CCDC70: variants seen among roughly 807,000 people sequenced by gnomAD.
CCDC70 encodes coiled-coil domain-containing protein 70.
Under a neutral mutation model 9.1 loss-of-function variants are expected in CCDC70, and 4 were observed. That is an observed-to-expected ratio of 0.44 (90% confidence interval 0.22 to 1.00). The LOEUF is 1.00. CCDC70 is among the 50% of genes least tolerant of loss of function. CCDC70 has a pLI of 0.25. For missense variants in CCDC70, 308 were observed against 271.3 expected, an observed-to-expected ratio of 1.14 and a Z score of -0.95; for synonymous variants, 119 against 94.0, an observed-to-expected ratio of 1.27 and a Z score of -1.54.
chr13:51,864,228 A>G (rs771673026), intron 1 of CCDC70, among the ~76,000 whole-genome samples: 9 of 151,856 alleles, frequency 5.9e-5, no homozygotes, highest in Non-Finnish European at 1.3e-4. Flanking sequence ...CACTTAACAC[A>G]TTTTTATAAC....
At chr13:51,865,303 TAG>T (rs879129533) in intron 1 of CCDC70, 27 bp from the exon 2 acceptor site, 2 of 1,247,100 alleles carry the variant, frequency 1.6e-6, no homozygotes, top group South Asian at 2.9e-5. Flanking sequence ...GTGATACTCA[TAG>T]ATCTGTCTTT....
In CCDC70 at chr13:51,866,179, T is replaced by A; in HGVS notation, c.*99T>A. On this transcript the variant is annotated 3_prime_UTR_variant, in exon 2 of 2. Transcript: ENST00000242819. The stretch of plus-strand genomic sequence containing the variant: ...GCTGGAGAAAATACACACTCATTGG[T>A]CTCCTTGCTTTGAAAGATCCAATAA... 2.0e-6 allele frequency: 2 copies of A among 1,007,448 alleles called. No homozygotes were observed. Among genetic ancestry groups the A allele is most frequent in the Non-Finnish European group, 2.8e-6 (2 of 707,884 alleles). 62.4% of individuals were successfully genotyped at this position (1,007,448 alleles called of 1,614,324 possible). A position where few individuals can be genotyped will look rare whatever the true frequency, so the allele number is the denominator to read the frequency against.
In CCDC70 at chr13:51,865,232, A is replaced by G. The variant is rs971155875; in HGVS notation, c.-80-100A>G. ...CTCACAAACACCACCATGTGGACAAAGAGCAGTGATTACATTTTCTCAAAT... is the reference window on the plus strand; with the variant it reads ...CTCACAAACACCACCATGTGGACAAGGAGCAGTGATTACATTTTCTCAAAT... On this transcript the variant is annotated intron_variant, in intron 1 of 1. Coordinates refer to ENST00000242819, the MANE Select transcript of CCDC70 (RefSeq NM_031290.4). 8.2e-6 allele frequency: 5 copies of G among 606,308 alleles called. No individual in the cohort carries two copies. In the African/African-American group the frequency reaches 9.2e-5, roughly 11 times the overall value. 37.6% of individuals were successfully genotyped at this position (606,308 alleles called of 1,614,324 possible).
intron 1 of CCDC70, among the ~76,000 whole-genome samples, chr13:51,863,672 GACAC>G (rs35041555): frequency 0.28 from 37,827 of 134,174 alleles, 5,219 homozygotes; most frequent in East Asian, 0.47. Flanking sequence ...CGCGCACACA[GACAC>G]ACACACACAC....
chr13:51,865,974 G>C lies in CCDC70; in HGVS notation c.563G>C (p.Trp188Ser). 1 of 1,614,042 alleles carries C rather than the reference G, an allele frequency of 6.2e-7. No individual in the cohort carries two copies. The highest frequency in any genetic ancestry group is 8.5e-7 in the Non-Finnish European group (1 of 1,180,002). ...NALWEEERAF[W>S]MENNGHIAGE... is the part of the protein sequence containing the mutation. ...CTCTGGGAGGAAGAGAGGGCCTTCT[G>C]GATGGAGAACAATGGCCACATTGCC... Residue 188 changes from tryptophan to serine, a missense_variant, in exon 2 of 2, where the codon TGG becomes TCG. Coordinates refer to ENST00000242819, the MANE Select transcript of CCDC70 (RefSeq NM_031290.4).
At chr13:51,862,844 GCAGTTCAATT>G (rs1956391864) in intron 1 of CCDC70, among the ~76,000 whole-genome samples, 2 of 152,334 alleles carry the variant, frequency 1.3e-5, no homozygotes, top group South Asian at 4.1e-4. Context: ...TTTCCAAAAT[GCAGTTCAATT>G]CAGTTCAATT....
chr13:51,865,470 C>G lies in CCDC70; in HGVS notation c.59C>G (p.Ala20Gly). Residue 20 changes from alanine to glycine, a missense_variant, in exon 2 of 2, where the codon GCA becomes GGA. By Grantham distance (60) the Ala-to-Gly change is moderately conservative (BLOSUM62 0). Transcript: ENST00000242819. ...CTTGCCTGCTTCCGGTCCCTGGCGG[C>G]ATCCTCTCCCAGTATTCGCCAGAAG... The part of the protein sequence containing the change: ...MGLACFRSLA[A>G]SSPSIRQKKL... The G allele has an allele frequency of 6.2e-7, 1 of 1,614,200 alleles. No individual in the cohort carries two copies. The highest frequency in any genetic ancestry group is 8.5e-7 in the Non-Finnish European group (1 of 1,180,032).
In CCDC70 at chr13:51,865,526, G is replaced by T. The variant is rs144343396; in HGVS notation, c.115G>T (p.Ala39Ser). ...AATGCACAAGCTGCAGGAGGAAAAG[G>T]CTTTTCGCGAAGAGATGAAAATTTT... ...KLMHKLQEEK[A>S]FREEMKIFRE... Residue 39 changes from alanine to serine, a missense_variant, in exon 2 of 2, where the codon GCT (alanine) becomes TCT (serine). Transcript: ENST00000242819. 1.2e-6 allele frequency: 2 copies of T among 1,614,238 alleles called. No homozygotes were observed. The highest frequency in any genetic ancestry group is 1.3e-5 in the African/African-American group (1 of 75,054).
At position 51,866,109 on chromosome 13, in the gene CCDC70, C is replaced by A; in HGVS notation, c.*29C>A. On this transcript the variant is annotated 3_prime_UTR_variant, in exon 2 of 2. Coordinates refer to ENST00000242819, the MANE Select transcript of CCDC70 (RefSeq NM_031290.4). ...GCATGCAGGTGCAGGGCCCTGTGGTCCAGACTCCCCTGGGTTGGGATTCAA... is the reference window on the plus strand; with the variant it reads ...GCATGCAGGTGCAGGGCCCTGTGGTACAGACTCCCCTGGGTTGGGATTCAA... The A allele has an allele frequency of 6.6e-7, 1 of 1,519,298 alleles. No individual in the cohort carries two copies. Among genetic ancestry groups the A allele is most frequent in the South Asian group, 1.3e-5 (1 of 76,028 alleles). 94.1% of individuals were successfully genotyped at this position (1,519,298 alleles called of 1,614,324 possible).
chr13:51,862,500 G>C (rs911058720), intron 1 of CCDC70, among the ~76,000 whole-genome samples: 1 of 152,188 alleles, frequency 6.6e-6, no homozygotes. Context: ...ACTTGGAGGT[G>C]AATGTTTTCC....
At position 51,865,993 on chromosome 13, in the gene CCDC70, C is replaced by T. The variant is rs777577066; in HGVS notation, c.582C>T (p.His194=). The T allele has an allele frequency of 3.7e-6, 6 of 1,613,632 alleles. No homozygotes were observed. The African/African-American group carries it at 6.7e-5, about 18-fold the overall frequency. ...CCTTCTGGATGGAGAACAATGGCCA[C>T]ATTGCCGGAGAGCAGATGCTCGAAG... The part of the protein sequence containing the change: ...ERAFWMENNG[H]IAGEQMLEDG... The change falls in exon 2 of 2, where the codon CAC becomes CAT. Residue 194 remains histidine, a synonymous_variant. Coordinates refer to ENST00000242819, the MANE Select transcript of CCDC70 (RefSeq NM_031290.4).
At position 51,865,488 on chromosome 13, in the gene CCDC70, G is replaced by T; in HGVS notation, c.77G>T (p.Arg26Leu). The T allele has an allele frequency of 1.2e-6, 2 of 1,614,164 alleles. No homozygotes were observed. Among genetic ancestry groups the T allele is most frequent in the African/African-American group, 1.3e-5 (1 of 75,028 alleles). ...CTGGCGGCATCCTCTCCCAGTATTC[G>T]CCAGAAGAAACTAATGCACAAGCTG... ...RSLAASSPSI[R>L]QKKLMHKLQE... Residue 26 changes from arginine (R) to leucine (L), a missense_variant, in exon 2 of 2, where the codon CGC (arginine) becomes CTC (leucine). Transcript: ENST00000242819.
chr13:51,865,918 T>C lies in CCDC70; in HGVS notation c.507T>C (p.Asp169=). ...LLEGEKALWE[D]KTSLWEEENA... is the part of the protein sequence containing the mutation. ...AGGGGGAGAAAGCCCTGTGGGAAGA[T>C]AAAACGTCCCTCTGGGAGGAAGAGA... is the stretch of plus-strand genomic sequence containing the variant. The change falls in exon 2 of 2, where the codon GAT becomes GAC. Residue 169 remains aspartate (D), a synonymous_variant. Transcript: ENST00000242819. 6.2e-7 allele frequency: 1 copy of C among 1,613,644 alleles called. No individual in the cohort carries two copies. Among genetic ancestry groups the C allele is most frequent in the Non-Finnish European group, 8.5e-7 (1 of 1,179,854 alleles).
At position 51,865,666 on chromosome 13, in the gene CCDC70, G is replaced by A. The variant is rs753280981; in HGVS notation, c.255G>A (p.Glu85=). 6.2e-7 allele frequency: 1 copy of A among 1,614,208 alleles called. No homozygotes were observed. Among genetic ancestry groups the A allele is most frequent in the East Asian group, 2.2e-5 (1 of 44,886 alleles). Residue 85 remains glutamate, a synonymous_variant, in exon 2 of 2, where the codon GAG becomes GAA. Transcript: ENST00000242819. The part of the protein sequence containing the change: ...FWEEERPFWE[E]EKTFWKEEKS... ...AAGAGGAGAGACCTTTCTGGGAAGAGGAGAAAACCTTCTGGAAAGAGGAAA... is the reference window on the plus strand; with the variant it reads ...AAGAGGAGAGACCTTTCTGGGAAGAAGAGAAAACCTTCTGGAAAGAGGAAA...
At position 51,865,701 on chromosome 13, in the gene CCDC70, G is replaced by T. The variant is rs772680840; in HGVS notation, c.290G>T (p.Trp97Leu). ...TTCTGGAAAGAGGAAAAATCCTTCT[G>T]GGAAATGGAAAAGTCTTTCAGGGAG... The part of the protein sequence containing the change: ...KTFWKEEKSF[W>L]EMEKSFREEE... Residue 97 changes from tryptophan (W) to leucine (L), a missense_variant, in exon 2 of 2, where the codon TGG (tryptophan) becomes TTG (leucine). By Grantham distance (61) the Trp-to-Leu change is moderately conservative. Transcript: ENST00000242819. 62 of 1,614,030 alleles carry T rather than the reference G, an allele frequency of 3.8e-5. No homozygotes were observed. Among genetic ancestry groups the T allele is most frequent in the Non-Finnish European group, 5.0e-5 (59 of 1,180,042 alleles).
chr13:51,864,603 G>A (rs1162949924), intron 1 of CCDC70, among the ~76,000 whole-genome samples: 1 of 152,178 alleles, frequency 6.6e-6, no homozygotes, highest in Non-Finnish European at 1.5e-5. Flanking sequence ...ACTCTATTGG[G>A]ATGGTCATTG....
intron 1 of CCDC70, 37 bp from the exon 2 acceptor site, chr13:51,865,295 G>C (rs921577510): frequency 4.3e-5 from 49 of 1,130,218 alleles, no homozygotes; most frequent in Non-Finnish European, 6.0e-5. Flanking sequence ...CCTGGCATGT[G>C]ATACTCATAG....
chr13:51,866,146 G>A lies in CCDC70; in HGVS notation c.*66G>A. ...GGGTTGGGATTCAAGTCCAGGGTGAGCCCATGTGCTGGAGAAAATACACAC... is the reference window on the plus strand; with the variant it reads ...GGGTTGGGATTCAAGTCCAGGGTGAACCCATGTGCTGGAGAAAATACACAC... On this transcript the variant is annotated 3_prime_UTR_variant, in exon 2 of 2. Coordinates refer to ENST00000242819, the MANE Select transcript of CCDC70 (RefSeq NM_031290.4). 7.6e-7 allele frequency: 1 copy of A among 1,313,986 alleles called. No individual in the cohort carries two copies. The highest frequency in any genetic ancestry group is 1.0e-6 in the Non-Finnish European group (1 of 965,650). The allele number at this position is 1,313,986 out of a possible 1,614,324, so 81.4% of individuals were successfully genotyped here. A position where few individuals can be genotyped will look rare whatever the true frequency, so the allele number is the denominator to read the frequency against.
Position 51,865,674 on chromosome 13 carries a change from CCTT to C in CCDC70, c.266_268del (p.Phe89del), listed in dbSNP as rs1317651911. 2.5e-6 allele frequency: 4 copies of C among 1,614,006 alleles called. No homozygotes were observed. The highest frequency in any genetic ancestry group is 3.3e-5 in the Admixed American group (2 of 60,010). On this transcript the variant is annotated inframe_deletion, in exon 2 of 2. Coordinates refer to ENST00000242819, the MANE Select transcript of CCDC70 (RefSeq NM_031290.4). Reference sequence around the variant, plus strand: ...AGACCTTTCTGGGAAGAGGAGAAAACCTTCTGGAAAGAGGAAAAATCCTTCTGG... The same window carrying C: ...AGACCTTTCTGGGAAGAGGAGAAAACCTGGAAAGAGGAAAAATCCTTCTGG...
Sources: allele counts gnomAD v4.1 joint callset (sites outside exome capture counted in the v4.1 genomes callset), GRCh38; gene constraint gnomAD v4.1.1; transcripts MANE v1.5; gene names NCBI Gene and HGNC (gene_info 2026-07-23, HGNC 2026-07-21).